INSC: variants seen among roughly 807,000 people sequenced by gnomAD.
INSC encodes protein inscuteable homolog.
INSC carries 67 observed loss-of-function variants against 58.6 expected under a neutral mutation model. That is an observed-to-expected ratio of 1.14 (90% CI 0.94 to 1.40). The LOEUF (loss-of-function observed/expected upper bound fraction) is 1.40. Among genes scored for constraint, INSC ranks in the 40% most tolerant of loss-of-function variants. INSC has a pLI of 0.00. For synonymous variants in INSC, 262 were observed against 276.1 expected, an observed-to-expected ratio of 0.95 and a Z score of 0.51; for missense variants, 714 against 692.0, an observed-to-expected ratio of 1.03 and a Z score of -0.36.
intron 9 of INSC, among the ~76,000 whole-genome samples, chr11:15,231,455 G>T (rs753294378): frequency 6.6e-6 from 1 of 152,238 alleles, no homozygotes; most frequent in Non-Finnish European, 1.5e-5. Context: ...TTACAAATTT[G>T]TGTTGGGCCA....
At chr11:15,267,586 G>A in the INSC span, among the ~76,000 whole-genome samples, 2 of 151,648 alleles carry the variant, frequency 1.3e-5, no homozygotes, top group Admixed American at 1.3e-4. Context: ...TGTTCAATTT[G>A]GGTCTTTTAA....
intron 1 of INSC, among the ~76,000 whole-genome samples, chr11:15,117,126 G>A (rs897186898): frequency 5.3e-5 from 8 of 151,298 alleles, no homozygotes; most frequent in African/African-American, 1.9e-4. Flanking sequence ...ATTTTTAGTA[G>A]AGATGGGGTT....
chr11:15,156,646 T>C (rs2133770040), intron 2 of INSC, among the ~76,000 whole-genome samples: 2 of 152,322 alleles, frequency 1.3e-5, no homozygotes, highest in South Asian at 2.1e-4. Flanking sequence ...AATGAGGTCT[T>C]AGACAAGTTA....
intron 3 of INSC, among the ~76,000 whole-genome samples, 194 bp downstream of exon 3, chr11:15,176,280 T>C (rs1216566157): frequency 6.6e-6 from 1 of 152,134 alleles, no homozygotes; most frequent in East Asian, 1.9e-4. Flanking sequence ...CTAGGTGTTT[T>C]TTTTTTACAT....
intron 5 of INSC, among the ~76,000 whole-genome samples, chr11:15,180,584 G>A (rs1849734796): frequency 6.6e-6 from 1 of 150,650 alleles, no homozygotes; most frequent in Non-Finnish European, 1.5e-5. Flanking sequence ...TGCCAGGTCT[G>A]ACCACCTGGT....
chr11:15,199,426 C>G (rs548087685), intron 6 of INSC, among the ~76,000 whole-genome samples: 92 of 152,268 alleles, frequency 6.0e-4, no homozygotes, highest in Non-Finnish European at 1.0e-3. Context: ...GCGCATGAGC[C>G]TATCATTTTG....
chr11:15,111,975 T>C (rs1029955762), upstream of INSC, among the ~76,000 whole-genome samples: 1 of 152,240 alleles, frequency 6.6e-6, no homozygotes, highest in Non-Finnish European at 1.5e-5. Context: ...AGTTCTCGTA[T>C]ATGCAATAAA....
chr11:15,113,151 C>G (rs202112049), upstream of INSC, among the ~76,000 whole-genome samples: 3 of 31,066 alleles, frequency 9.7e-5, no homozygotes, highest in South Asian at 2.3e-3. Context: ...CTTTCTGTCT[C>G]TCTCTCTCTC....
At chr11:15,159,842 C>T (rs1281049115) in intron 2 of INSC, among the ~76,000 whole-genome samples, 6 of 152,242 alleles carry the variant, frequency 3.9e-5, no homozygotes, top group Non-Finnish European at 8.8e-5. Context: ...TGATAATTGG[C>T]ATAGGGCCCG....
intron 1 of INSC, among the ~76,000 whole-genome samples, chr11:15,129,778 T>C (rs964806846): frequency 5.3e-5 from 8 of 152,232 alleles, no homozygotes; most frequent in Non-Finnish European, 8.8e-5. Flanking sequence ...TAGATACCCT[T>C]GGATTTTCTA....
intron 1 of INSC, among the ~76,000 whole-genome samples, chr11:15,118,796 G>A (rs1444966901): frequency 6.6e-6 from 1 of 152,160 alleles, no homozygotes; most frequent in Admixed American, 6.5e-5. Context: ...GAGATAGTTA[G>A]GACTTCTGTG....
rs1363856267 is a variant in INSC, at chr11:15,176,047, C to T, written c.363C>T (p.Tyr121=). Residue 121 remains tyrosine (Y), a synonymous_variant, in exon 3 of 13, where the codon TAC becomes TAT. Coordinates refer to ENST00000379556, the MANE Select transcript of INSC (RefSeq NM_001042536.3). The stretch of plus-strand genomic sequence containing the variant: ...ATGCCCGCTCCATGGTCAGCGAGTA[C>T]AGTGCTGTCAGCAGGAACTCCTTGA... ...TCHARSMVSE[Y]SAVSRNSLKE... The T allele has an allele frequency of 3.2e-6, 5 of 1,549,578 alleles. No homozygotes were observed. Among genetic ancestry groups the T allele is most frequent in the Non-Finnish European group, 1.8e-6 (2 of 1,138,972 alleles).
intron 1 of INSC, among the ~76,000 whole-genome samples, chr11:15,127,457 G>A (rs968723940): frequency 2.0e-5 from 3 of 152,212 alleles, no homozygotes; most frequent in Admixed American, 2.0e-4. Flanking sequence ...TTGGGCCGTA[G>A]ATCCTGCCAA....
intron 7 of INSC, among the ~76,000 whole-genome samples, chr11:15,216,308 C>T (rs2133918690): frequency 6.6e-6 from 1 of 152,214 alleles, no homozygotes; most frequent in Admixed American, 6.5e-5. Context: ...ACAGGGAGGC[C>T]AAGTGAGAGA....
intron 10 of INSC, among the ~76,000 whole-genome samples, chr11:15,237,314 A>G (rs1852169096): frequency 6.6e-6 from 1 of 152,114 alleles, no homozygotes; most frequent in Non-Finnish European, 1.5e-5. Flanking sequence ...GAAAACTGGA[A>G]CCATACTCTG....
intron 12 of INSC, among the ~76,000 whole-genome samples, chr11:15,244,175 T>C (rs1038657704): frequency 6.6e-6 from 1 of 152,218 alleles, no homozygotes; most frequent in Admixed American, 6.5e-5. Context: ...GGTTCTGTTT[T>C]CATGGTGACA....
chr11:15,176,159 A>T, intron 3 of INSC, 73 bp downstream of exon 3: 1 of 1,243,558 alleles, frequency 8.0e-7, no homozygotes, highest in Non-Finnish European at 1.1e-6. Flanking sequence ...GGTTTGAATC[A>T]TGTGGTGTCT....
intron 1 of INSC, among the ~76,000 whole-genome samples, chr11:15,125,881 GTCAGAGTAA>G (rs1334505112): frequency 6.6e-6 from 1 of 152,168 alleles, no homozygotes; most frequent in African/African-American, 2.4e-5. Context: ...TGGGCTGGAG[GTCAGAGTAA>G]GCTTCTGGGT....
At chr11:15,153,203 C>T (rs977132221) in intron 2 of INSC, among the ~76,000 whole-genome samples, 6 of 152,170 alleles carry the variant, frequency 3.9e-5, no homozygotes, top group African/African-American at 1.4e-4. Flanking sequence ...CTGATCAGGC[C>T]TGGATTTGTA....
Sources: allele counts gnomAD v4.1 joint callset (sites outside exome capture counted in the v4.1 genomes callset), GRCh38; gene constraint gnomAD v4.1.1; transcripts MANE v1.5; gene names NCBI Gene and HGNC (gene_info 2026-07-23, HGNC 2026-07-21).